The following PTPRN2 variants were observed in gnomAD, a reference collection of about 807,000 sequenced individuals.
The protein encoded by PTPRN2 is receptor-type tyrosine-protein phosphatase N2.
PTPRN2 carries 74 observed loss-of-function variants against 118.8 expected under a neutral mutation model. That is an observed-to-expected ratio of 0.62 (90% CI 0.52 to 0.76). The LOEUF (loss-of-function observed/expected upper bound fraction) is 0.76. Among genes scored for constraint, PTPRN2 ranks in the 30% least tolerant of loss-of-function variants. PTPRN2 has a pLI of 0.00. For synonymous variants in PTPRN2, 641 were observed against 608.0 expected, an observed-to-expected ratio of 1.05 and a Z score of -0.80; for missense variants, 1,481 against 1,394.4, an observed-to-expected ratio of 1.06 and a Z score of -0.99.
Position 157,587,255 on chromosome 7 carries a change from C to CAGCGAGACAGGCAGACAGCG in PTPRN2, c.2496+7982_2496+7983insCGCTGTCTGCCTGTCTCGCT, listed in dbSNP as rs1554498234. The stretch of plus-strand genomic sequence containing the variant: ...ACAGGCAGACAGCGAGACAGGCAGA[C>CAGCGAGACAGGCAGACAGCG]AGACAGGCAGACAAACAGGCAGACA... On this transcript the variant is annotated intron_variant, in intron 17 of 22. Transcript: ENST00000389418. The surrounding 1 kb of genome is among the most constrained non-coding windows in gnomAD (Gnocchi z 5.3). Among the ~76,000 whole-genome samples the CAGCGAGACAGGCAGACAGCG allele has an allele frequency of 7.3e-6, 1 of 137,066 alleles. No homozygotes were observed. The highest frequency in any genetic ancestry group is 2.9e-5 in the African/African-American group (1 of 33,980). 89.9% of individuals were successfully genotyped at this position (137,066 alleles called of 152,430 possible).
intron 12 of PTPRN2, among the ~76,000 whole-genome samples, chr7:157,695,961 C>A: frequency 6.7e-6 from 1 of 150,034 alleles, no homozygotes; most frequent in East Asian, 2.0e-4. Context: ...CACCATCTAC[C>A]CATGCATACT....
chr7:158,409,023 A>G (rs754300510), intron 2 of PTPRN2, among the ~76,000 whole-genome samples: 3 of 152,024 alleles, frequency 2.0e-5, no homozygotes, highest in Non-Finnish European at 4.4e-5. Context: ...TCAAAAGATC[A>G]TCCTCCCAGA....
chr7:157,813,775 C>T lies in PTPRN2; in HGVS notation c.1788+84898G>A, dbSNP rs1439311210. On this transcript the variant is annotated intron_variant, in intron 12 of 22. Transcript: ENST00000389418. The surrounding 1 kb of genome is among the most constrained non-coding windows in gnomAD (Gnocchi z 4.7). ...TGTCTACACAGCACGCATTCCTTAC[C>T]CCGGTGGTTTTCATCTGGACCCTGA... 6.6e-6 allele frequency among the ~76,000 whole-genome samples: 1 copy of T among 152,198 alleles called. No individual in the cohort carries two copies. Among genetic ancestry groups the T allele is most frequent in the Non-Finnish European group, 1.5e-5 (1 of 68,034 alleles).
At chr7:158,338,641 A>G (rs1218678959) in intron 2 of PTPRN2, among the ~76,000 whole-genome samples, 2 of 63,836 alleles carry the variant, frequency 3.1e-5, no homozygotes, top group African/African-American at 1.0e-4. Context: ...CTCTCACCAT[A>G]AAAGCTGATG....
chr7:158,470,633 G>A (rs1382785267), intron 2 of PTPRN2, among the ~76,000 whole-genome samples: 1 of 152,136 alleles, frequency 6.6e-6, no homozygotes, highest in East Asian at 1.9e-4. Context: ...GCTCCTTGTT[G>A]TACCCTTTCC....
At chr7:157,948,211 T>C (rs1169654703) in intron 11 of PTPRN2, among the ~76,000 whole-genome samples, 1 of 152,266 alleles carries the variant, frequency 6.6e-6, no homozygotes, top group Non-Finnish European at 1.5e-5. Context: ...TTTTGTCTTC[T>C]ATATGATTTA....
chr7:157,606,173 G>A (rs1801991029), intron 15 of PTPRN2, among the ~76,000 whole-genome samples: 1 of 152,238 alleles, frequency 6.6e-6, no homozygotes, highest in Non-Finnish European at 1.5e-5. Context: ...ACAGCGCCCG[G>A]GCTCAGCCCT....
At chr7:158,587,186 C>T (rs1317862254) in intron 1 of PTPRN2, among the ~76,000 whole-genome samples, 1 of 121,114 alleles carries the variant, frequency 8.3e-6, no homozygotes, top group Non-Finnish European at 1.8e-5. Context: ...CTCCCCTAAA[C>T]CCCCCACTCA....
chr7:158,142,087 G>A (rs1585591028), intron 6 of PTPRN2, among the ~76,000 whole-genome samples: 1 of 152,204 alleles, frequency 6.6e-6, no homozygotes, highest in Non-Finnish European at 1.5e-5. Context: ...CTGATGCTCT[G>A]ACATCTGGGG....
intron 11 of PTPRN2, among the ~76,000 whole-genome samples, chr7:158,054,417 T>C (rs1192838193): frequency 6.6e-6 from 1 of 152,098 alleles, no homozygotes; most frequent in Non-Finnish European, 1.5e-5. Context: ...CTGTGTGGGA[T>C]GGGGGACAGA....
At chr7:158,223,923 T>C (rs1828557721) in intron 3 of PTPRN2, among the ~76,000 whole-genome samples, 1 of 152,158 alleles carries the variant, frequency 6.6e-6, no homozygotes. Context: ...CCCCAAGGAC[T>C]CTACAAAAAA....
At chr7:158,165,607 C>T (rs1390543883) in intron 6 of PTPRN2, among the ~76,000 whole-genome samples, 2 of 152,366 alleles carry the variant, frequency 1.3e-5, no homozygotes, top group African/African-American at 2.4e-5. Flanking sequence ...TCGCTCTCAG[C>T]GGCTCCCATT....
chr7:158,457,633 C>T (rs1157603457), intron 2 of PTPRN2, among the ~76,000 whole-genome samples: 3 of 95,496 alleles, frequency 3.1e-5, no homozygotes, highest in African/African-American at 1.2e-4. Context: ...CCCCAGTCAG[C>T]ACACGGTGAG....
intron 11 of PTPRN2, among the ~76,000 whole-genome samples, chr7:158,055,918 C>T (rs1281416854): frequency 6.6e-6 from 1 of 152,280 alleles, no homozygotes; most frequent in Middle Eastern, 3.4e-3. Context: ...CGTCTCCACA[C>T]ACGGGGAGAA....
chr7:158,242,092 T>C (rs563626473), intron 3 of PTPRN2, among the ~76,000 whole-genome samples: 30 of 152,312 alleles, frequency 2.0e-4, no homozygotes, highest in African/African-American at 4.6e-4. Flanking sequence ...ACCCACCCGG[T>C]AGAGCCATGC....
intron 10 of PTPRN2, among the ~76,000 whole-genome samples, chr7:158,102,738 C>G (rs543729724): frequency 6.6e-6 from 1 of 152,228 alleles, no homozygotes; most frequent in Non-Finnish European, 1.5e-5. Context: ...TTGAATCACA[C>G]TTGCACTTAA....
intron 11 of PTPRN2, among the ~76,000 whole-genome samples, chr7:157,938,298 A>G (rs970115212): frequency 1.3e-5 from 2 of 152,258 alleles, no homozygotes; most frequent in Non-Finnish European, 2.9e-5. Context: ...GACATCGCAC[A>G]GGAGCGTCAG....
At chr7:158,095,727 C>T (rs895507839) in intron 10 of PTPRN2, among the ~76,000 whole-genome samples, 3 of 152,182 alleles carry the variant, frequency 2.0e-5, no homozygotes, top group Non-Finnish European at 2.9e-5. Context: ...CTTCAAGGAG[C>T]GTAGGAGTGT....
chr7:158,352,945 G>C (rs1178025336), intron 2 of PTPRN2, among the ~76,000 whole-genome samples: 1 of 152,232 alleles, frequency 6.6e-6, no homozygotes, highest in East Asian at 1.9e-4. Context: ...AGGCCACCCA[G>C]TTACATTCAG....
Sources: allele counts gnomAD v4.1 joint callset (sites outside exome capture counted in the v4.1 genomes callset), GRCh38; gene constraint gnomAD v4.1.1; non-coding constraint Gnocchi (gnomAD v3.1); transcripts MANE v1.5; gene names NCBI Gene and HGNC (gene_info 2026-07-23, HGNC 2026-07-21).